The following SLAIN2 variants were observed in gnomAD, a reference collection of about 807,000 sequenced individuals.
SLAIN2 encodes SLAIN motif-containing protein 2.
A neutral mutation model predicts 56.6 loss-of-function variants in SLAIN2; 31 were observed. The ratio of observed to expected loss-of-function variants is 0.55; its 90% CI spans 0.41 to 0.74. SLAIN2 has a LOEUF of 0.74. Among genes scored for constraint, SLAIN2 ranks in the 30% least tolerant of loss-of-function variants. The pLI is 0.00. For synonymous variants in SLAIN2, 317 were observed against 284.9 expected (o/e 1.11, Z -1.13); for missense variants, 777 against 754.2 (o/e 1.03, Z -0.35).
intron 3 of SLAIN2, among the ~76,000 whole-genome samples, chr4:48,378,775 G>C (rs78344917): frequency 0.021 from 3,161 of 152,184 alleles, 115 homozygotes; most frequent in African/African-American, 0.072. Flanking sequence ...ATGTTAAAAA[G>C]TTTAAGCTGC....
chr4:48,354,339 A>G (rs1715095197), intron 1 of SLAIN2, among the ~76,000 whole-genome samples: 1 of 152,186 alleles, frequency 6.6e-6, no homozygotes, highest in Non-Finnish European at 1.5e-5. Flanking sequence ...TAAGTGATAT[A>G]GAAAAAACTG....
chr4:48,368,698 GAT>G (rs540357310), intron 1 of SLAIN2, among the ~76,000 whole-genome samples: 40 of 152,112 alleles, frequency 2.6e-4, no homozygotes, highest in Admixed American at 1.3e-4. Context: ...ATTTTGAATT[GAT>G]AGTTATTCCA....
intron 1 of SLAIN2, among the ~76,000 whole-genome samples, chr4:48,344,949 CAG>C (rs1714823510): frequency 6.6e-6 from 1 of 152,128 alleles, no homozygotes; most frequent in African/African-American, 2.4e-5. Context: ...TAGAATAACT[CAG>C]AAAAGTTTAG....
At position 48,377,879 on chromosome 4, in the gene SLAIN2, C is replaced by G. The variant is rs1175615485; in HGVS notation, c.539-17C>G. On this transcript the variant is annotated splice_polypyrimidine_tract_variant and intron_variant, in intron 2 of 7. Coordinates refer to ENST00000264313, the MANE Select transcript of SLAIN2 (RefSeq NM_020846.2). ...TCTCAGTTGTTAAATTTGATTTTCC[C>G]CTTCTCATTAATGCAGCTCTCAAGA... 1.9e-6 allele frequency: 3 copies of G among 1,596,318 alleles called. No individual in the cohort carries two copies. The African/African-American group carries it at 4.1e-5, about 22-fold the overall frequency.
intron 5 of SLAIN2, 70 bp downstream of exon 5, chr4:48,382,997 T>A: frequency 6.9e-7 from 1 of 1,450,330 alleles, no homozygotes; most frequent in Non-Finnish European, 9.1e-7. Context: ...AGACCCCGTC[T>A]CTAGGAAAAA....
rs1560467712 is a variant in SLAIN2 at position 48,420,213 on chromosome 4, T to G, written c.1449T>G (p.Ser483=). The change falls in exon 7 of 8, where the codon TCT becomes TCG. Residue 483 remains serine (S), a synonymous_variant. Coordinates refer to ENST00000264313, the MANE Select transcript of SLAIN2 (RefSeq NM_020846.2). ...QPVKAFSNHG[S]GSPGSQEITQ... ...TGAAAGCATTTAGTAACCATGGCTC[T>G]GGTTCTCCTGGTAGCCAAGAAATAA... 1 of 1,614,002 alleles carries G rather than the reference T, an allele frequency of 6.2e-7. No individual in the cohort carries two copies. The highest frequency in any genetic ancestry group is 8.5e-7 in the Non-Finnish European group (1 of 1,179,880).
chr4:48,387,264 T>C (rs1189969302), intron 6 of SLAIN2: 1 of 152,208 alleles, frequency 6.6e-6, no homozygotes, highest in Non-Finnish European at 1.5e-5. Context: ...ATGCATTGTC[T>C]GTGTCTTAAA....
chr4:48,355,791 T>C (rs1250464939), intron 1 of SLAIN2, among the ~76,000 whole-genome samples: 1 of 151,852 alleles, frequency 6.6e-6, no homozygotes, highest in East Asian at 1.9e-4. Flanking sequence ...AGATTATATC[T>C]AATTACATAT....
intron 2 of SLAIN2, among the ~76,000 whole-genome samples, chr4:48,376,638 T>C (rs1212551216): frequency 2.3e-4 from 27 of 117,466 alleles, no homozygotes; most frequent in African/African-American, 8.3e-4. Context: ...TTTTTTTTTT[T>C]TGAGACGGAG....
chr4:48,372,824 A>G (rs938043539), intron 2 of SLAIN2, among the ~76,000 whole-genome samples: 1 of 152,234 alleles, frequency 6.6e-6, no homozygotes, highest in Admixed American at 6.5e-5. Context: ...CTTTTAAGGA[A>G]AAATTTTGGC....
At chr4:48,369,285 C>G (rs1715605765) in intron 1 of SLAIN2, among the ~76,000 whole-genome samples, 1 of 152,162 alleles carries the variant, frequency 6.6e-6, no homozygotes, top group Non-Finnish European at 1.5e-5. Context: ...TTATAAAATA[C>G]TGTCTCTTGG....
chr4:48,399,345 A>AT (rs1445308634), intron 6 of SLAIN2, among the ~76,000 whole-genome samples: 1 of 152,168 alleles, frequency 6.6e-6, no homozygotes, highest in Non-Finnish European at 1.5e-5. Flanking sequence ...ATTTTTGCAC[A>AT]TTGATTTTGT....
In SLAIN2 at chr4:48,420,358, A is replaced by T. The variant is rs763247507; in HGVS notation, c.1594A>T (p.Met532Leu). The T allele has an allele frequency of 5.0e-6, 8 of 1,614,060 alleles. No individual in the cohort carries two copies. The highest frequency in any genetic ancestry group is 5.9e-6 in the Non-Finnish European group (7 of 1,179,882). Residue 532 changes from methionine (M) to leucine (L), a missense_variant, in exon 7 of 8, where the codon ATG becomes TTG. Coordinates refer to ENST00000264313, the MANE Select transcript of SLAIN2 (RefSeq NM_020846.2). ...TLTRPAGTTA[M>L]RSGLPRPSAP... ...AACCAGACCTGCAGGGACAACTGCAATGAGAAGTGGCTTGCCCAGACCCAG... is the reference window on the plus strand; with the variant it reads ...AACCAGACCTGCAGGGACAACTGCATTGAGAAGTGGCTTGCCCAGACCCAG...
Position 48,379,928 on chromosome 4 carries a change from T to C in SLAIN2, c.862+80T>C, listed in dbSNP as rs1027582446. On this transcript the variant is annotated intron_variant, in intron 4 of 7. Transcript: ENST00000264313. The stretch of plus-strand genomic sequence containing the variant: ...GTATATTAAATATGTCTTAAAGTAT[T>C]GTGGGGGTAGTAATGTAGTGAAAGT... 82 of 1,232,992 alleles carry C rather than the reference T, an allele frequency of 6.7e-5. 1 individual carries two copies. The Admixed American group carries it at 2.0e-3, about 30-fold the overall frequency. 76.4% of individuals were successfully genotyped at this position (1,232,992 alleles called of 1,614,324 possible).
chr4:48,412,422 T>C (rs200235346), intron 6 of SLAIN2, among the ~76,000 whole-genome samples: 2 of 29,994 alleles, frequency 6.7e-5, no homozygotes, highest in Non-Finnish European at 2.0e-4. Context: ...ACACATTCCC[T>C]CTCTCTCTCT....
chr4:48,353,860 A>G (rs937175942), intron 1 of SLAIN2, among the ~76,000 whole-genome samples: 2 of 152,208 alleles, frequency 1.3e-5, no homozygotes, highest in African/African-American at 4.8e-5. Flanking sequence ...GTCAGTGGAA[A>G]TGAAAAGGAA....
At position 48,422,402 on chromosome 4, in the gene SLAIN2, C is replaced by A; in HGVS notation, c.*325C>A. 4.6e-6 allele frequency: 1 copy of A among 215,714 alleles called. No individual in the cohort carries two copies. The allele number at this position is 215,714 out of a possible 1,614,324, so 13.4% of individuals were successfully genotyped here. A position where few individuals can be genotyped will look rare whatever the true frequency, so the allele number is the denominator to read the frequency against. On this transcript the variant is annotated 3_prime_UTR_variant, in exon 8 of 8. Coordinates refer to ENST00000264313, the MANE Select transcript of SLAIN2 (RefSeq NM_020846.2). ...ACCTAATGGATGCCAAAGAGAAATGCCCATTTGTAAATGAGAAAAATGCCC... is the reference window on the plus strand; with the variant it reads ...ACCTAATGGATGCCAAAGAGAAATGACCATTTGTAAATGAGAAAAATGCCC...
chr4:48,421,518 A>G (rs180692167), intron 7 of SLAIN2, among the ~76,000 whole-genome samples: 210 of 152,206 alleles, frequency 1.4e-3, no homozygotes, highest in Non-Finnish European at 2.1e-3. Flanking sequence ...TCTTATTTCT[A>G]TTTTTCAAAA....
chr4:48,356,233 C>T (rs1715150080), intron 1 of SLAIN2, among the ~76,000 whole-genome samples: 2 of 152,090 alleles, frequency 1.3e-5, no homozygotes. Context: ...GCAAAGTACT[C>T]TAAAATAAAC....
Sources: gnomAD v4.1 joint callset for allele counts (sites outside exome capture counted in the v4.1 genomes callset) on GRCh38, gnomAD v4.1.1 for gene constraint, MANE v1.5 for transcripts, NCBI Gene and HGNC (gene_info 2026-07-23, HGNC 2026-07-21) for gene names.